The following CDA variants were observed in gnomAD, a reference collection of about 807,000 sequenced individuals.
CDA encodes cytidine deaminase.
A neutral mutation model predicts 15.0 loss-of-function variants in CDA; 7 were observed. The observed-to-expected ratio is 0.47, with a 90% CI of 0.26 to 0.87. The LOEUF (loss-of-function observed/expected upper bound fraction) is 0.87, where lower values mean the gene tolerates loss of function less well. Among genes scored for constraint, CDA ranks in the 40% least tolerant of loss-of-function variants. CDA has a pLI of 0.15. For synonymous variants in CDA, 58 were observed against 73.0 expected (o/e 0.79, Z 1.05); for missense variants, 159 against 182.7 (o/e 0.87, Z 0.75).
intron 1 of CDA, among the ~76,000 whole-genome samples, chr1:20,599,671 A>ATAAAG (rs2052624347): frequency 4.0e-5 from 6 of 149,080 alleles, no homozygotes; most frequent in African/African-American, 1.3e-4. Context: ...ATAAAATAAA[A>ATAAAG]ATAAAGGATT....
At chr1:20,607,345 C>A (rs901369699) in intron 2 of CDA, among the ~76,000 whole-genome samples, 1 of 152,138 alleles carries the variant, frequency 6.6e-6, no homozygotes, top group Non-Finnish European at 1.5e-5. Context: ...TATCCGATAG[C>A]CTTCCCTGTC....
intron 1 of CDA, among the ~76,000 whole-genome samples, chr1:20,596,836 C>T (rs2052595551): frequency 6.7e-6 from 1 of 149,354 alleles, no homozygotes; most frequent in South Asian, 2.2e-4. Flanking sequence ...TCTCAGCTCA[C>T]TGCAGCCTCG....
At position 20,589,292 on chromosome 1, in the gene CDA, G is replaced by A. The variant is rs2101171161; in HGVS notation, c.154+9G>A. The A allele has an allele frequency of 1.9e-6, 3 of 1,613,224 alleles. No individual in the cohort carries two copies. Among genetic ancestry groups the A allele is most frequent in the Non-Finnish European group, 1.7e-6 (2 of 1,179,638 alleles). On this transcript the variant is annotated intron_variant, in intron 1 of 3. Transcript: ENST00000375071. The stretch of plus-strand genomic sequence containing the variant: ...GGGGAGAATCTTCAAAGGTAAAGGT[G>A]GGCACCCCAGGGTCCCCCAGCCCAG...
chr1:20,597,885 T>A (rs1204306849), intron 1 of CDA, among the ~76,000 whole-genome samples: 1 of 130,578 alleles, frequency 7.7e-6, no homozygotes, highest in Non-Finnish European at 1.7e-5. Context: ...TTCCTTTTTT[T>A]TTATTTGCCT....
intron 2 of CDA, among the ~76,000 whole-genome samples, chr1:20,607,607 T>C (rs1293814183): frequency 6.6e-6 from 1 of 152,226 alleles, no homozygotes; most frequent in Non-Finnish European, 1.5e-5. Flanking sequence ...AGAGGCTTTT[T>C]CTCTTGGTCA....
intron 2 of CDA, among the ~76,000 whole-genome samples, chr1:20,609,890 C>T (rs1372561786): frequency 6.6e-6 from 1 of 152,162 alleles, no homozygotes; most frequent in South Asian, 2.1e-4. Flanking sequence ...AAGCTGGAAG[C>T]GTCCTCAGAG....
chr1:20,609,428 G>A (rs905388646), intron 2 of CDA, among the ~76,000 whole-genome samples: 2 of 152,206 alleles, frequency 1.3e-5, no homozygotes, highest in South Asian at 2.1e-4. Flanking sequence ...AGAGCTTGCA[G>A]TGAGCCGAGA....
At chr1:20,615,726 C>T (rs899204973) in intron 3 of CDA, among the ~76,000 whole-genome samples, 46 of 151,782 alleles carry the variant, frequency 3.0e-4, no homozygotes, top group African/African-American at 1.1e-3. Flanking sequence ...ATCTTGTGGG[C>T]ATGATGGCTT....
chr1:20,605,346 G>A (rs1227545154), intron 2 of CDA, among the ~76,000 whole-genome samples: 1 of 152,016 alleles, frequency 6.6e-6, no homozygotes, highest in Non-Finnish European at 1.5e-5. Context: ...TAACAGAAAG[G>A]CAGCATTGAA....
chr1:20,605,028 T>C lies in CDA; in HGVS notation c.255T>C (p.Ile85=). ...VSEGYKDFRA[I]AIASDMQDDF... ...AAGGGTACAAGGATTTCAGGGCAAT[T>C]GCTATCGCCAGGTGAGTGGGAAAGC... The change falls in exon 2 of 4, where the codon ATT becomes ATC. Residue 85 remains isoleucine, a synonymous_variant. Coordinates refer to ENST00000375071, the MANE Select transcript of CDA (RefSeq NM_001785.3). 6.2e-7 allele frequency: 1 copy of C among 1,609,766 alleles called. No homozygotes were observed. Among genetic ancestry groups the C allele is most frequent in the Non-Finnish European group, 8.5e-7 (1 of 1,176,230 alleles).
At chr1:20,612,164 G>A (rs2052758218) in intron 2 of CDA, among the ~76,000 whole-genome samples, 1 of 152,054 alleles carries the variant, frequency 6.6e-6, no homozygotes, top group African/African-American at 2.4e-5. Context: ...CGCCCAACCT[G>A]CACATACTAT....
At chr1:20,598,931 T>C (rs758454448) in intron 1 of CDA, among the ~76,000 whole-genome samples, 4 of 152,292 alleles carry the variant, frequency 2.6e-5, no homozygotes, top group Admixed American at 1.3e-4. Context: ...CTCAGAAAGT[T>C]TGTAATATAA....
At chr1:20,605,095 T>C in intron 2 of CDA, 56 bp downstream of exon 2, 1 of 994,676 alleles carries the variant, frequency 1.0e-6, no homozygotes, top group East Asian at 2.4e-5. Flanking sequence ...GCCAACATCT[T>C]CCTTACACAT....
intron 1 of CDA, among the ~76,000 whole-genome samples, chr1:20,597,790 C>T (rs879741598): frequency 6.6e-6 from 1 of 151,958 alleles, no homozygotes; most frequent in Non-Finnish European, 1.5e-5. Flanking sequence ...TTTGCCTGGT[C>T]AGAAGACAGC....
rs2052842426 is a variant in CDA at position 20,618,596 on chromosome 1, C to T, written c.*28C>T. ...GCCAGAGAATGCCCACTGCCTGTAA[C>T]AGCCACCTGGAGAACTTCATAAAGA... On this transcript the variant is annotated 3_prime_UTR_variant, in exon 4 of 4. Coordinates refer to ENST00000375071, the MANE Select transcript of CDA (RefSeq NM_001785.3). 7.6e-7 allele frequency: 1 copy of T among 1,322,358 alleles called. No individual in the cohort carries two copies. The highest frequency in any genetic ancestry group is 1.1e-6 in the Non-Finnish European group (1 of 913,210). The allele number at this position is 1,322,358 out of a possible 1,614,324, so 81.9% of individuals were successfully genotyped here.
intron 2 of CDA, among the ~76,000 whole-genome samples, chr1:20,608,072 C>A (rs116819993): frequency 0.1 from 15,767 of 152,114 alleles, 985 homozygotes; most frequent in East Asian, 0.18. Context: ...AAATAGCCAG[C>A]AAAAGGCAGG....
chr1:20,613,980 G>A, intron 3 of CDA, 81 bp downstream of exon 3: 1 of 1,255,186 alleles, frequency 8.0e-7, no homozygotes, highest in Non-Finnish European at 1.2e-6. Flanking sequence ...TTGCAGGCAT[G>A]GCAGGCATGG....
At position 20,615,121 on chromosome 1, in the gene CDA, A is replaced by G. The variant is rs550293912; in HGVS notation, c.324+1222A>G. ...GTTATCTGCCCACCTCGGCCTCCCA[A>G]AGTGCTGGGATTACAGGCGTGAGCC... On this transcript the variant is annotated intron_variant, in intron 3 of 3. Coordinates refer to ENST00000375071, the MANE Select transcript of CDA (RefSeq NM_001785.3). Among the ~76,000 whole-genome samples, 65 of 152,206 alleles carry G rather than the reference A, an allele frequency of 4.3e-4. 1 individual carries two copies. In the East Asian group the frequency reaches 8.1e-3, roughly 19 times the overall value.
intron 2 of CDA, among the ~76,000 whole-genome samples, chr1:20,606,426 G>A (rs537913893): frequency 4.6e-5 from 7 of 152,120 alleles, no homozygotes; most frequent in Non-Finnish European, 8.8e-5. Context: ...TTGAGGCCCC[G>A]ATAAGTTGAA....
Sources: allele counts gnomAD v4.1 joint callset (sites outside exome capture counted in the v4.1 genomes callset), GRCh38; gene constraint gnomAD v4.1.1; transcripts MANE v1.5; gene names NCBI Gene and HGNC (gene_info 2026-07-23, HGNC 2026-07-21).